Variants in SSC5D observed in about 807,000 individuals in gnomAD.
The protein encoded by SSC5D is soluble scavenger receptor cysteine-rich domain-containing protein SSC5D.
SSC5D carries 106 observed loss-of-function variants against 104.6 expected under a neutral mutation model. The ratio of observed to expected loss-of-function variants is 1.01; its 90% CI spans 0.87 to 1.19. The LOEUF is 1.19. Ranked by LOEUF, SSC5D falls within the 50% of genes most tolerant of loss-of-function variation. The probability of loss-of-function intolerance (pLI) is 0.00; values close to 1 mark genes in which losing one functional copy is unlikely to be tolerated. For missense variants in SSC5D, 1,993 were observed against 2,153.8 expected (o/e 0.93, Z 1.48); for synonymous variants, 860 against 883.5 (o/e 0.97, Z 0.47).
rs1293124393 is a variant in SSC5D at position 55,518,353 on chromosome 19, GC to G, written c.4080del (p.Ser1361ValfsTer6). ...SSPTLAPTVK[P>X]SLHPQLTFTA... ...CTCCCACTCTAGCACCAACAGTCAA[GC>G]CCAGTCTGCACCCCCAGTTGACCTT... On this transcript the variant is annotated frameshift_variant, in exon 14 of 14. Transcript: ENST00000389623. LOFTEE classifies it low-confidence loss of function (END_TRUNC). The G allele has an allele frequency of 1.9e-6, 3 of 1,549,598 alleles. No individual in the cohort carries two copies. Among genetic ancestry groups the G allele is most frequent in the Non-Finnish European group, 2.6e-6 (3 of 1,146,724 alleles).
intron 12 of SSC5D, among the ~76,000 whole-genome samples, chr19:55,510,912 G>T (rs1212290860): frequency 6.6e-6 from 1 of 152,082 alleles, no homozygotes; most frequent in Non-Finnish European, 1.5e-5. Flanking sequence ...CTGAGTAGCT[G>T]GGATTACAGG....
chr19:55,500,525 C>T lies in SSC5D; in HGVS notation c.2338C>T (p.Arg780Cys), dbSNP rs567740030. 94 of 1,551,590 alleles carry T rather than the reference C, an allele frequency of 6.1e-5. No individual in the cohort carries two copies. The highest frequency in any genetic ancestry group is 1.7e-4 in the South Asian group (14 of 84,066). ...GGTTCGTCTGGCCGATGGGCCCAAC[C>T]GCTGTGCTGGCCGGCTGGAAGTGTG... ...FRVRLADGPN[R>C]CAGRLEVWHA... The change falls in exon 11 of 14, where the codon CGC (arginine) becomes TGC (cysteine). Residue 780 changes from arginine to cysteine, a missense_variant. Physicochemically the swap from Arg to Cys is radical, Grantham distance 180. Around this residue, in one of 6 missense-constraint regions of SSC5D, gnomAD observed 70 missense variants for 107.1 expected, o/e 0.65. Transcript: ENST00000389623. The surrounding 1 kb of genome is among the most constrained non-coding windows in gnomAD (Gnocchi z 4.6).
chr19:55,518,979 C>A lies in SSC5D; in HGVS notation c.4703C>A (p.Pro1568His), dbSNP rs762940999. Residue 1568 changes from proline (P) to histidine (H), a missense_variant, in exon 14 of 14, where the codon CCC becomes CAC. By Grantham distance (77) the Pro-to-His change is moderately conservative. Coordinates refer to ENST00000389623, the MANE Select transcript of SSC5D (RefSeq NM_001144950.2). The part of the protein sequence containing the change: ...TTTTPEEEER[P>H]LRGDV ...ACTACCCCAGAGGAAGAAGAAAGAC[C>A]CCTGAGGGGAGACGTGTGACCCTCT... 1 of 1,550,380 alleles carries A rather than the reference C, an allele frequency of 6.5e-7. No individual in the cohort carries two copies. Among genetic ancestry groups the A allele is most frequent in the South Asian group, 1.2e-5 (1 of 84,054 alleles).
At chr19:55,496,753 T>TA (rs1209254282) in intron 8 of SSC5D, among the ~76,000 whole-genome samples, 2 of 148,026 alleles carry the variant, frequency 1.4e-5, no homozygotes, top group African/African-American at 4.9e-5. Flanking sequence ...TACCAGTCTT[T>TA]TTTTTTTTTT....
chr19:55,512,283 A>G (rs1987774539), intron 12 of SSC5D, among the ~76,000 whole-genome samples: 1 of 150,634 alleles, frequency 6.6e-6, no homozygotes, highest in East Asian at 1.9e-4. Flanking sequence ...CCCTAAATAA[A>G]ATGGCATACA....
At chr19:55,504,469 T>A in intron 12 of SSC5D, 1 of 490,440 alleles carries the variant, frequency 2.0e-6, no homozygotes, top group Non-Finnish European at 3.2e-6. Context: ...ACTTGGTCTC[T>A]TTGAGTCCCC....
At chr19:55,497,767 G>C in intron 8 of SSC5D, 113 bp from the exon 9 acceptor site, 1 of 1,030,824 alleles carries the variant, frequency 9.7e-7, no homozygotes, top group South Asian at 1.8e-5. Flanking sequence ...TGAATGGAGG[G>C]AAGGCCTAGA....
At chr19:55,517,201 G>A (rs1313086748) in intron 13 of SSC5D, 23 bp from the exon 14 acceptor site, 1 of 1,527,880 alleles carries the variant, frequency 6.5e-7, no homozygotes, top group South Asian at 1.2e-5. Flanking sequence ...CAGACCGTCC[G>A]TCTGTCTTTC....
chr19:55,510,141 G>C (rs1987725437), intron 12 of SSC5D, among the ~76,000 whole-genome samples: 1 of 152,030 alleles, frequency 6.6e-6, no homozygotes, highest in Non-Finnish European at 1.5e-5. Context: ...GGGACTACTG[G>C]TGTGCCCCAC....
chr19:55,512,555 C>T (rs376728895), intron 12 of SSC5D, among the ~76,000 whole-genome samples: 16 of 151,304 alleles, frequency 1.1e-4, no homozygotes, highest in Admixed American at 4.6e-4. Flanking sequence ...AGTCTTGGCT[C>T]ACTGCAACCT....
rs1987480873 is a variant in SSC5D, at chr19:55,500,879, CGGCACCAT to C, written c.2617+78_2617+85del. ...ATGGAGTCAGGGTGGGGCCAGGTGA[CGGCACCAT>C]GGTCGACTCTAAAGAACTGGGTATG... On this transcript the variant is annotated intron_variant, in intron 11 of 13. Transcript: ENST00000389623. The surrounding 1 kb of genome is among the most constrained non-coding windows in gnomAD (Gnocchi z 4.6). 6.7e-7 allele frequency: 1 copy of C among 1,494,550 alleles called. No homozygotes were observed. Among genetic ancestry groups the C allele is most frequent in the Admixed American group, 2.1e-5 (1 of 48,088 alleles). 92.6% of individuals were successfully genotyped at this position (1,494,550 alleles called of 1,614,324 possible).
chr19:55,494,619 T>G lies in SSC5D; in HGVS notation c.1223T>G (p.Leu408Arg), dbSNP rs1306075960. 4 of 1,537,012 alleles carry G rather than the reference T, an allele frequency of 2.6e-6. No homozygotes were observed. The highest frequency in any genetic ancestry group is 4.0e-5 in the Admixed American group (2 of 49,798). The change falls in exon 8 of 14, where the codon CTG becomes CGG. Residue 408 changes from leucine (L) to arginine (R), a missense_variant. Transcript: ENST00000389623. ...DAGAVCDGMPLGYVPPTAPTD... is the reference protein window; with the variant it reads ...DAGAVCDGMPRGYVPPTAPTD... ...ACCCCCTGCTCCACAGGCATGCCCC[T>G]GGGCTACGTCCCTCCCACGGCCCCC...
At chr19:55,504,312 G>A in intron 12 of SSC5D, 1 of 1,426,462 alleles carries the variant, frequency 7.0e-7, no homozygotes, top group Non-Finnish European at 9.2e-7. Flanking sequence ...AATAAATGCA[G>A]AATCACAAAC....
At chr19:55,512,089 C>T (rs1267815345) in intron 12 of SSC5D, among the ~76,000 whole-genome samples, 1 of 151,392 alleles carries the variant, frequency 6.6e-6, no homozygotes, top group Admixed American at 6.6e-5. Context: ...CTGTAGCTCA[C>T]TTTGGGAGGC....
chr19:55,492,189 C>T (rs1321526852), intron 6 of SSC5D: 1 of 152,408 alleles, frequency 6.6e-6, no homozygotes, highest in Admixed American at 6.5e-5. Flanking sequence ...GTAAATGGCC[C>T]AAGACCCAGG....
Position 55,504,035 on chromosome 19 carries a change from G to A in SSC5D, c.2785+2834G>A, listed in dbSNP as rs935818336. The A allele has an allele frequency of 2.2e-6, 3 of 1,357,022 alleles. No individual in the cohort carries two copies. In the African/African-American group the frequency reaches 4.4e-5, roughly 20 times the overall value. The allele number at this position is 1,357,022 out of a possible 1,614,324, so 84.1% of individuals were successfully genotyped here. ...GGGCCTTGAGGTGGGGAAAGGGAGGGAGGAAGCAGGCCCTAGAGGCGCCGT... is the reference window on the plus strand; with the variant it reads ...GGGCCTTGAGGTGGGGAAAGGGAGGAAGGAAGCAGGCCCTAGAGGCGCCGT... On this transcript the variant is annotated intron_variant, in intron 12 of 13. Coordinates refer to ENST00000389623, the MANE Select transcript of SSC5D (RefSeq NM_001144950.2).
At chr19:55,491,937 T>TG (rs935222138) in intron 6 of SSC5D, 2 of 152,222 alleles carry the variant, frequency 1.3e-5, no homozygotes, top group African/African-American at 4.8e-5. Context: ...AGCGTTGGGG[T>TG]GGGGACAGTA....
intron 6 of SSC5D, 66 bp downstream of exon 6, chr19:55,491,146 A>T (rs1034023529): frequency 6.7e-7 from 1 of 1,481,650 alleles, no homozygotes; most frequent in Non-Finnish European, 9.0e-7. Flanking sequence ...TTGCCCCTCC[A>T]GGAAGCTGCA....
chr19:55,509,510 C>T (rs926325998), intron 12 of SSC5D, among the ~76,000 whole-genome samples: 9 of 151,828 alleles, frequency 5.9e-5, no homozygotes, highest in Non-Finnish European at 1.0e-4. Flanking sequence ...TCCATGCAAT[C>T]GAGTAGTACG....
Sources: gnomAD v4.1 joint callset for allele counts (sites outside exome capture counted in the v4.1 genomes callset) on GRCh38, gnomAD v4.1.1 for gene constraint, gnomAD v4.1.1 regional missense constraint, Gnocchi (gnomAD v3.1) non-coding constraint, MANE v1.5 for transcripts, NCBI Gene and HGNC (gene_info 2026-07-23, HGNC 2026-07-21) for gene names.